Variants in AXDND1 observed in about 807,000 individuals in gnomAD.
AXDND1 encodes the protein axonemal dynein light chain domain-containing protein 1.
Under a neutral mutation model 137.5 loss-of-function variants are expected in AXDND1, and 110 were observed. That is an observed-to-expected ratio of 0.80 (90% CI 0.69 to 0.94). The LOEUF (loss-of-function observed/expected upper bound fraction) is 0.94, where lower values mean the gene tolerates loss of function less well. AXDND1 is among the 40% of genes least tolerant of loss of function. The pLI is 0.00. For synonymous variants in AXDND1, 414 were observed against 399.7 expected (o/e 1.04, Z -0.43); for missense variants, 1,191 against 1,169.8 (o/e 1.02, Z -0.26).
intron 12 of AXDND1, among the ~76,000 whole-genome samples, chr1:179,429,101 C>G (rs756807751): frequency 3.3e-5 from 5 of 151,876 alleles, no homozygotes; most frequent in African/African-American, 4.8e-5. Flanking sequence ...GGTGTGAACC[C>G]GGGAGTTGGA....
chr1:179,421,833 T>A (rs928142201), intron 12 of AXDND1, among the ~76,000 whole-genome samples: 22 of 151,220 alleles, frequency 1.5e-4, no homozygotes, highest in African/African-American at 4.1e-4. Context: ...AGGTCAGGAG[T>A]TTGAGACCAG....
At chr1:179,408,310 G>A (rs982453259) in intron 11 of AXDND1, among the ~76,000 whole-genome samples, 5 of 149,622 alleles carry the variant, frequency 3.3e-5, no homozygotes, top group Admixed American at 3.3e-4. Context: ...ATTTTTTCAT[G>A]TTTCCTATGT....
intron 20 of AXDND1, among the ~76,000 whole-genome samples, chr1:179,506,157 T>C (rs1668519836): frequency 6.6e-6 from 1 of 152,092 alleles, no homozygotes; most frequent in South Asian, 2.1e-4. Flanking sequence ...ATTTTTTTTT[T>C]CAAGTGCTTT....
intron 18 of AXDND1, 106 bp downstream of exon 18, chr1:179,483,327 G>T: frequency 3.2e-6 from 2 of 621,794 alleles, no homozygotes; most frequent in East Asian, 3.0e-5. Context: ...AGGTTGAGAG[G>T]GCAAAATAGA....
At chr1:179,379,289 C>A in intron 5 of AXDND1, 108 bp from the exon 6 acceptor site, 1 of 1,234,768 alleles carries the variant, frequency 8.1e-7, no homozygotes, top group Non-Finnish European at 1.1e-6. Flanking sequence ...CAAAATTTTT[C>A]AACTTAAAAA....
At chr1:179,411,851 T>C (rs1653948482) in intron 12 of AXDND1, among the ~76,000 whole-genome samples, 1 of 8,842 alleles carries the variant, frequency 1.1e-4, no homozygotes, top group African/African-American at 2.6e-4. Flanking sequence ...CTGATTCTCT[T>C]TTTTTTTTAA....
intron 25 of AXDND1, chr1:179,543,784 C>T (rs1162382830): frequency 6.6e-6 from 1 of 152,234 alleles, no homozygotes; most frequent in African/African-American, 2.4e-5. Flanking sequence ...ATGCCAATAA[C>T]CAATTTAGAG....
chr1:179,430,383 G>A (rs1657189354), intron 13 of AXDND1, 69 bp from the exon 14 acceptor site: 22 of 1,187,018 alleles, frequency 1.9e-5, no homozygotes, highest in Non-Finnish European at 2.6e-5. Flanking sequence ...TAATGGCCTG[G>A]TATATGTTAA....
intron 4 of AXDND1, among the ~76,000 whole-genome samples, chr1:179,372,289 A>C (rs1409368533): frequency 6.6e-6 from 1 of 152,242 alleles, no homozygotes; most frequent in African/African-American, 2.4e-5. Context: ...TTTAAGCAGG[A>C]AAGAATCAAA....
Position 179,422,153 on chromosome 1 carries a change from A to C in AXDND1, c.1231-7365A>C, listed in dbSNP as rs1017896570. On this transcript the variant is annotated intron_variant, in intron 12 of 25. Transcript: ENST00000367618. The stretch of plus-strand genomic sequence containing the variant: ...TCTGTATTATTTCTTTCCTTCTACT[A>C]ATTTTAGGTTTGGTTTGTTCTTGCT... Among the ~76,000 whole-genome samples the C allele has an allele frequency of 3.1e-4, 47 of 149,782 alleles. 1 individual carries two copies. The highest frequency in any genetic ancestry group is 1.5e-5 in the Non-Finnish European group (1 of 67,444).
chr1:179,539,740 T>C (rs1457959568), intron 25 of AXDND1, among the ~76,000 whole-genome samples: 1 of 152,204 alleles, frequency 6.6e-6, no homozygotes, highest in Admixed American at 6.5e-5. Flanking sequence ...TCGCCTGCCT[T>C]GCTAGGATGG....
intron 16 of AXDND1, chr1:179,454,647 T>A (rs554960471): frequency 6.6e-6 from 1 of 152,364 alleles, no homozygotes; most frequent in African/African-American, 2.4e-5. Context: ...TCATCCAATT[T>A]ATTAAGATTA....
At chr1:179,529,592 G>A (rs1003194504) in intron 23 of AXDND1, among the ~76,000 whole-genome samples, 1 of 152,168 alleles carries the variant, frequency 6.6e-6, no homozygotes, top group African/African-American at 2.4e-5. Flanking sequence ...AGAGAGAAAA[G>A]GAAGAAGCTT....
intron 25 of AXDND1, among the ~76,000 whole-genome samples, chr1:179,539,559 G>T (rs1558320897): frequency 1.3e-5 from 2 of 152,184 alleles, no homozygotes; most frequent in Non-Finnish European, 2.9e-5. Context: ...TGAGAGATCT[G>T]CTGTTAGTCT....
At chr1:179,549,317 T>A (rs1261668766) in intron 25 of AXDND1, among the ~76,000 whole-genome samples, 1 of 152,172 alleles carries the variant, frequency 6.6e-6, no homozygotes, top group East Asian at 1.9e-4. Context: ...TAGCAACTTA[T>A]CGCTATGATT....
chr1:179,417,407 C>T (rs572133032), intron 12 of AXDND1, among the ~76,000 whole-genome samples: 3 of 152,172 alleles, frequency 2.0e-5, no homozygotes, highest in East Asian at 1.9e-4. Context: ...AGGTCTTACA[C>T]GGAAAATCTT....
intron 25 of AXDND1, among the ~76,000 whole-genome samples, chr1:179,546,906 A>G (rs1672704023): frequency 6.6e-6 from 1 of 152,174 alleles, no homozygotes; most frequent in South Asian, 2.1e-4. Context: ...GGTCTCACTG[A>G]CTTGACTATG....
chr1:179,536,886 A>G (rs1051426563), intron 25 of AXDND1, among the ~76,000 whole-genome samples: 1 of 152,012 alleles, frequency 6.6e-6, no homozygotes, highest in African/African-American at 2.4e-5. Context: ...CTTTTATTTC[A>G]TTGAGCAGTG....
chr1:179,429,817 T>G (rs1657114638), intron 13 of AXDND1, among the ~76,000 whole-genome samples, 198 bp downstream of exon 13: 2 of 151,716 alleles, frequency 1.3e-5, no homozygotes, highest in Non-Finnish European at 1.5e-5. Flanking sequence ...TAAAGCAATT[T>G]ATTTAAGTTT....
Sources: allele counts gnomAD v4.1 joint callset (sites outside exome capture counted in the v4.1 genomes callset), GRCh38; gene constraint gnomAD v4.1.1; transcripts MANE v1.5; gene names NCBI Gene and HGNC (gene_info 2026-07-23, HGNC 2026-07-21).